The following CACNA1C variants were observed in gnomAD, a reference collection of about 807,000 sequenced individuals.
CACNA1C encodes the protein calcium voltage-gated channel subunit alpha1 C.
A neutral mutation model predicts 229.0 loss-of-function variants in CACNA1C; 30 were observed. The observed-to-expected ratio is 0.13, with a 90% confidence interval of 0.10 to 0.18. The LOEUF (loss-of-function observed/expected upper bound fraction) is 0.18, where lower values mean the gene tolerates loss of function less well. CACNA1C is among the 10% of genes least tolerant of loss of function. The probability of loss-of-function intolerance (pLI) is 1.00; values close to 1 mark genes in which losing one functional copy is unlikely to be tolerated. For synonymous variants in CACNA1C, 1,114 were observed against 1,132.5 expected, an observed-to-expected ratio of 0.98 and a Z score of 0.33; for missense variants, 1,658 against 2,845.0, an observed-to-expected ratio of 0.58 and a Z score of 9.49.
intron 13 of CACNA1C, among the ~76,000 whole-genome samples, chr12:2,576,052 G>T (rs2058264084): frequency 6.6e-6 from 1 of 152,220 alleles, no homozygotes; most frequent in African/African-American, 2.4e-5. Flanking sequence ...TAACAGAAGT[G>T]ACATGGTGGT....
At chr12:2,129,827 A>G (rs1429703040) in intron 3 of CACNA1C, among the ~76,000 whole-genome samples, 1 of 152,146 alleles carries the variant, frequency 6.6e-6, no homozygotes, top group African/African-American at 2.4e-5. Context: ...CTCCTCCAGC[A>G]CCAGCCTGAT....
At position 2,536,869 on chromosome 12, in the gene CACNA1C, A is replaced by G. The variant is rs561572352; in HGVS notation, c.1391-13074A>G. Among the ~76,000 whole-genome samples, 3 of 152,276 alleles carry G rather than the reference A, an allele frequency of 2.0e-5. 1 individual carries two copies. The highest frequency in any genetic ancestry group is 7.2e-5 in the African/African-American group (3 of 41,558). On this transcript the variant is annotated intron_variant, in intron 9 of 46. Transcript: ENST00000399655. ...AAAAAATCAAATGAAGGGCTGGCCT[A>G]CAATCCTACAGACCCCTTCTGACTG...
intron 3 of CACNA1C, among the ~76,000 whole-genome samples, chr12:2,136,687 G>A (rs1368014139): frequency 6.6e-6 from 1 of 151,084 alleles, no homozygotes; most frequent in Non-Finnish European, 1.5e-5. Flanking sequence ...GAGCCCCCAG[G>A]CCATGCCATT....
rs2097833965 is a variant in CACNA1C at position 2,695,512 on chromosome 12, C to G, written c.*4313C>G. Reference sequence around the variant, plus strand: ...CAAACCTCACTCCCAGGGAGGCCCTCAGCCGCCAGAGTCCAGGTTCTCCAG... The same window carrying G: ...CAAACCTCACTCCCAGGGAGGCCCTGAGCCGCCAGAGTCCAGGTTCTCCAG... On this transcript the variant is annotated 3_prime_UTR_variant, in exon 47 of 47. Transcript: ENST00000399655. 2 of 152,410 alleles carry G rather than the reference C, an allele frequency of 1.3e-5. No homozygotes were observed. Among genetic ancestry groups the G allele is most frequent in the African/African-American group, 2.4e-5 (1 of 41,432 alleles). The allele number at this position is 152,410 out of a possible 1,614,324, so 9.4% of individuals were successfully genotyped here. A position where few individuals can be genotyped will look rare whatever the true frequency, so the allele number is the denominator to read the frequency against.
intron 1 of CACNA1C, among the ~76,000 whole-genome samples, chr12:2,114,624 C>G (rs2083112019): frequency 6.6e-6 from 1 of 152,188 alleles, no homozygotes; most frequent in Admixed American, 6.5e-5. Flanking sequence ...TGACCTTACT[C>G]TAGTCCAGCC....
Position 2,149,935 on chromosome 12 carries a change from GGCAGGAA to G in CACNA1C, c.477+29516_477+29522del, listed in dbSNP as rs1391720626. 2.0e-5 allele frequency among the ~76,000 whole-genome samples: 3 copies of G among 152,284 alleles called. No homozygotes were observed. The East Asian group carries it at 5.8e-4, about 29-fold the overall frequency. ...AAACTGGAATTATGAGTCAAGACTGGGCAGGAAGCAGGAAGCAAGGATGAGGAGCCAG... is the reference window on the plus strand; with the variant it reads ...AAACTGGAATTATGAGTCAAGACTGGGCAGGAAGCAAGGATGAGGAGCCAG... On this transcript the variant is annotated intron_variant, in intron 3 of 46. Transcript: ENST00000399655.
rs1171865293 is a variant in CACNA1C at position 2,696,642 on chromosome 12, A to G, written c.*5443A>G. ...AAAAGCTCTGGGTGGAAGAGTTTGT[A>G]AGTTTTAAGAGAGGGTCATTTCTAT... On this transcript the variant is annotated 3_prime_UTR_variant, in exon 47 of 47. Coordinates refer to ENST00000399655, the MANE Select transcript of CACNA1C (RefSeq NM_000719.7). The G allele has an allele frequency of 1.3e-5, 2 of 151,746 alleles. No homozygotes were observed. The highest frequency in any genetic ancestry group is 2.9e-5 in the Non-Finnish European group (2 of 67,956). The allele number at this position is 151,746 out of a possible 1,614,324, so 9.4% of individuals were successfully genotyped here.
intron 34 of CACNA1C, chr12:2,660,047 G>C (rs976557730): frequency 2.4e-5 from 4 of 163,834 alleles, no homozygotes; most frequent in Non-Finnish European, 5.4e-5. Flanking sequence ...GAAGTCGCTG[G>C]TGCCACTCTG....
rs2097848080 is a variant in CACNA1C at position 2,697,111 on chromosome 12, C to T, written c.*5912C>T. 6.6e-6 allele frequency: 1 copy of T among 152,328 alleles called. No individual in the cohort carries two copies. 9.4% of individuals were successfully genotyped at this position (152,328 alleles called of 1,614,324 possible). On this transcript the variant is annotated 3_prime_UTR_variant, in exon 47 of 47. Coordinates refer to ENST00000399655, the MANE Select transcript of CACNA1C (RefSeq NM_000719.7). ...AGGAGGTGTCTCCAGCATCCCAAAG[C>T]TGTGCGCACCTTCTCTTTTCCTGCC...
intron 3 of CACNA1C, among the ~76,000 whole-genome samples, chr12:2,258,624 A>G (rs114364574): frequency 6.6e-6 from 1 of 152,158 alleles, no homozygotes; most frequent in Non-Finnish European, 1.5e-5. Flanking sequence ...GGGTTTCCCA[A>G]CCAGATTTAA....
intron 1 of CACNA1C, among the ~76,000 whole-genome samples, chr12:2,023,904 G>A (rs1247205539): frequency 6.6e-6 from 1 of 152,206 alleles, no homozygotes; most frequent in Non-Finnish European, 1.5e-5. Flanking sequence ...CCTTCAAAGT[G>A]GCAGTAAGAT....
intron 1 of CACNA1C, among the ~76,000 whole-genome samples, chr12:2,037,772 G>A (rs548693073): frequency 1.3e-5 from 2 of 152,326 alleles, no homozygotes; most frequent in South Asian, 4.1e-4. Context: ...GGGTAGAGCA[G>A]CATCAGCCTC....
At chr12:2,092,255 A>G (rs953135842) in intron 1 of CACNA1C, among the ~76,000 whole-genome samples, 6 of 152,180 alleles carry the variant, frequency 3.9e-5, no homozygotes, top group Non-Finnish European at 7.3e-5. Flanking sequence ...GAACAAACAA[A>G]TGGAAATACT....
intron 3 of CACNA1C, among the ~76,000 whole-genome samples, chr12:2,308,303 T>G (rs943373810): frequency 1.3e-5 from 2 of 152,250 alleles, no homozygotes; most frequent in African/African-American, 4.8e-5. Flanking sequence ...ATTTTGGATA[T>G]TAACCCCTTA....
intron 1 of CACNA1C, among the ~76,000 whole-genome samples, chr12:1,999,475 G>A (rs1482178238): frequency 6.6e-6 from 1 of 152,188 alleles, no homozygotes. Flanking sequence ...ACTCTGGGAG[G>A]CTGAGGCAGG....
intron 3 of CACNA1C, among the ~76,000 whole-genome samples, chr12:2,156,985 G>C (rs1219948496): frequency 6.6e-6 from 1 of 152,160 alleles, no homozygotes; most frequent in African/African-American, 2.4e-5. Context: ...AATCCTAAGC[G>C]GCAGTGGGGA....
At chr12:2,320,136 G>A (rs1331224519) in intron 3 of CACNA1C, among the ~76,000 whole-genome samples, 1 of 152,126 alleles carries the variant, frequency 6.6e-6, no homozygotes, top group Non-Finnish European at 1.5e-5. Context: ...CAGTGTTACT[G>A]ACCTGGGCCC....
intron 1 of CACNA1C, chr12:2,004,267 C>T: frequency 3.7e-6 from 6 of 1,612,688 alleles, no homozygotes; most frequent in Non-Finnish European, 5.1e-6. Context: ...ACTGCTCCGC[C>T]GCGTCCGCAC....
intron 29 of CACNA1C, among the ~76,000 whole-genome samples, chr12:2,634,073 C>A (rs533787438): frequency 6.6e-6 from 1 of 152,294 alleles, no homozygotes; most frequent in Admixed American, 6.5e-5. Flanking sequence ...CTGCACCCTG[C>A]GAAAACCAGG....
Sources: gnomAD v4.1 joint callset for allele counts (sites outside exome capture counted in the v4.1 genomes callset) on GRCh38, gnomAD v4.1.1 for gene constraint, MANE v1.5 for transcripts, NCBI Gene and HGNC (gene_info 2026-07-23, HGNC 2026-07-21) for gene names.